Variants in PLXNA2 observed in about 807,000 individuals in gnomAD.
PLXNA2 encodes the protein plexin-A2.
Under a neutral mutation model 193.5 loss-of-function variants are expected in PLXNA2, and 91 were observed. The ratio of observed to expected loss-of-function variants is 0.47; its 90% confidence interval spans 0.40 to 0.56. The LOEUF is 0.56. Among genes scored for constraint, PLXNA2 ranks in the 20% least tolerant of loss-of-function variants. PLXNA2 has a pLI of 0.00. For synonymous variants in PLXNA2, 997 were observed against 1,027.3 expected (o/e 0.97, Z 0.56); for missense variants, 1,995 against 2,503.2 (o/e 0.80, Z 4.33).
chr1:208,080,208 TA>T (rs1021109329), intron 11 of PLXNA2, among the ~76,000 whole-genome samples: 1 of 151,708 alleles, frequency 6.6e-6, no homozygotes, highest in African/African-American at 2.4e-5. Flanking sequence ...CATTGCTGAT[TA>T]AAAAAAAGGG....
In PLXNA2 at chr1:208,082,291, TCCGCCGA is replaced by T; in HGVS notation, c.2395+114_2395+120del. 1.3e-6 allele frequency: 1 copy of T among 747,206 alleles called. No homozygotes were observed. The highest frequency in any genetic ancestry group is 2.3e-6 in the Non-Finnish European group (1 of 429,318). The allele number at this position is 747,206 out of a possible 1,614,324, so 46.3% of individuals were successfully genotyped here. A position where few individuals can be genotyped will look rare whatever the true frequency, so the allele number is the denominator to read the frequency against. On this transcript the variant is annotated intron_variant, in intron 11 of 31. Coordinates refer to ENST00000367033, the MANE Select transcript of PLXNA2 (RefSeq NM_025179.4). This position sits in a 1 kb window ranked among gnomAD's most constrained non-coding sequence, Gnocchi z 4.2. ...GTTGCTTTAGGATCCTCTGAAGAGT[TCCGCCGA>T]CAGAGGGAGTGTATTATTCATGGCA...
rs140701481 is a variant in PLXNA2 at position 208,165,597 on chromosome 1, A to G, written c.1372-23134T>C. Among the ~76,000 whole-genome samples, 623 of 152,238 alleles carry G rather than the reference A, an allele frequency of 4.1e-3. 1 individual carries two copies. The highest frequency in any genetic ancestry group is 0.015 in the African/African-American group (603 of 41,554). ...AACAACAACGGGGCAGCTTTCGTCA[A>G]TAGCCTCTTTCAACTTCATCTGTCT... On this transcript the variant is annotated intron_variant, in intron 3 of 31. Transcript: ENST00000367033.
intron 3 of PLXNA2, among the ~76,000 whole-genome samples, chr1:208,142,925 G>A (rs759605535): frequency 1.3e-5 from 2 of 152,178 alleles, no homozygotes; most frequent in Non-Finnish European, 2.9e-5. Flanking sequence ...TCAAAAAGCT[G>A]CTCATTAAGA....
At chr1:208,182,386 T>G (rs1019144071) in intron 3 of PLXNA2, among the ~76,000 whole-genome samples, 1 of 151,962 alleles carries the variant, frequency 6.6e-6, no homozygotes, top group Non-Finnish European at 1.5e-5. Flanking sequence ...TGAGCCCAGA[T>G]CGCGCCACTG....
chr1:208,207,403 C>T (rs576537359), intron 3 of PLXNA2, among the ~76,000 whole-genome samples: 5 of 152,342 alleles, frequency 3.3e-5, no homozygotes, highest in South Asian at 2.1e-4. Context: ...GCTCTCTATG[C>T]ATCTTGCAGA....
At chr1:208,224,713 A>G (rs544858863) in intron 1 of PLXNA2, among the ~76,000 whole-genome samples, 1 of 152,176 alleles carries the variant, frequency 6.6e-6, no homozygotes, top group African/African-American at 2.4e-5. Flanking sequence ...GGAAGGTGAG[A>G]GGAGAGAGGG....
intron 1 of PLXNA2, among the ~76,000 whole-genome samples, chr1:208,235,732 C>T (rs1223882659): frequency 6.6e-6 from 1 of 152,194 alleles, no homozygotes; most frequent in Non-Finnish European, 1.5e-5. Flanking sequence ...TCTCAACCAT[C>T]TCAGTGGGGC....
Position 208,062,381 on chromosome 1 carries a change from C to T in PLXNA2, c.2587-1544G>A, listed in dbSNP as rs569070023. Reference sequence around the variant, plus strand: ...ATGAATTGTGCTGCCAATTCAGCCACCAACCACCAAGTGATAGTGAGCAGA... The same window carrying T: ...ATGAATTGTGCTGCCAATTCAGCCATCAACCACCAAGTGATAGTGAGCAGA... On this transcript the variant is annotated intron_variant, in intron 12 of 31. Coordinates refer to ENST00000367033, the MANE Select transcript of PLXNA2 (RefSeq NM_025179.4). 1.1e-3 allele frequency among the ~76,000 whole-genome samples: 163 copies of T among 152,342 alleles called. No homozygotes were observed. In the Middle Eastern group the frequency reaches 0.014, roughly 13 times the overall value.
chr1:208,056,607 G>A (rs1234500355), intron 13 of PLXNA2, among the ~76,000 whole-genome samples: 10 of 152,112 alleles, frequency 6.6e-5, no homozygotes, highest in Non-Finnish European at 1.5e-4. Flanking sequence ...TGGGGCTCAT[G>A]TTTCAAAAGA....
intron 3 of PLXNA2, among the ~76,000 whole-genome samples, chr1:208,164,876 G>A (rs1280169913): frequency 3.3e-5 from 5 of 152,218 alleles, no homozygotes; most frequent in African/African-American, 9.6e-5. Context: ...TCTGCAGATC[G>A]GCAAAGCTGC....
chr1:208,144,626 T>TG (rs1168787334), intron 3 of PLXNA2, among the ~76,000 whole-genome samples: 4 of 152,122 alleles, frequency 2.6e-5, no homozygotes, highest in Non-Finnish European at 5.9e-5. Context: ...CTGGGCGACT[T>TG]GGGGGCTTCT....
intron 3 of PLXNA2, among the ~76,000 whole-genome samples, chr1:208,179,163 C>T (rs2102543956): frequency 6.6e-6 from 1 of 152,242 alleles, no homozygotes; most frequent in East Asian, 1.9e-4. Flanking sequence ...GCTGCCACAA[C>T]TCATTTTCTC....
intron 26 of PLXNA2, among the ~76,000 whole-genome samples, chr1:208,037,263 C>T (rs1018724974): frequency 3.9e-5 from 6 of 152,216 alleles, no homozygotes; most frequent in Non-Finnish European, 8.8e-5. Context: ...TTACACCACA[C>T]TCATGTCCTC....
At chr1:208,235,365 C>T (rs1572062766) in intron 1 of PLXNA2, among the ~76,000 whole-genome samples, 2 of 152,330 alleles carry the variant, frequency 1.3e-5, no homozygotes, top group African/African-American at 4.8e-5. Context: ...AGTTTCGCTT[C>T]TTATACCTGT....
At chr1:208,139,088 C>T (rs898253526) in intron 4 of PLXNA2, among the ~76,000 whole-genome samples, 3 of 152,158 alleles carry the variant, frequency 2.0e-5, no homozygotes, top group Admixed American at 2.0e-4. Flanking sequence ...AAAAAGAGAA[C>T]ACTGCTTTTG....
At chr1:208,230,170 A>G (rs913751727) in intron 1 of PLXNA2, 2 of 152,204 alleles carry the variant, frequency 1.3e-5, no homozygotes, top group Non-Finnish European at 2.9e-5. Context: ...CAAGGACATC[A>G]TCTCCTTGGC....
chr1:208,098,458 T>TCTCACACACA (rs368366958), intron 6 of PLXNA2, among the ~76,000 whole-genome samples: 71 of 123,522 alleles, frequency 5.7e-4, no homozygotes, highest in African/African-American at 2.1e-3. Context: ...TCTCTCTCTC[T>TCTCACACACA]CACACACACA....
intron 26 of PLXNA2, among the ~76,000 whole-genome samples, chr1:208,035,073 TTGCACATGTG>T (rs1664630262): frequency 6.6e-6 from 1 of 152,114 alleles, no homozygotes; most frequent in Admixed American, 6.6e-5. Flanking sequence ...CACATGTGGC[TTGCACATGTG>T]GCTTGCATTA....
chr1:208,074,808 T>G (rs1168542638), intron 12 of PLXNA2, among the ~76,000 whole-genome samples: 1 of 152,170 alleles, frequency 6.6e-6, no homozygotes, highest in Non-Finnish European at 1.5e-5. Context: ...CCTTCTCTTT[T>G]CATCCTTCAA....
Sources: gnomAD v4.1 joint callset for allele counts (sites outside exome capture counted in the v4.1 genomes callset) on GRCh38, gnomAD v4.1.1 for gene constraint, Gnocchi (gnomAD v3.1) non-coding constraint, MANE v1.5 for transcripts, NCBI Gene and HGNC (gene_info 2026-07-23, HGNC 2026-07-21) for gene names.